Variants in BAIAP2 observed in about 807,000 individuals in gnomAD.
BAIAP2 encodes the protein BAR/IMD domain containing adaptor protein 2, also known as BAR/IMD domain-containing adapter protein 2.
In BAIAP2, 18 loss-of-function variants were observed where a neutral mutation model predicts 63.0. The observed-to-expected ratio is 0.29, with a 90% confidence interval of 0.20 to 0.42. BAIAP2 has a LOEUF of 0.42. Ranked by LOEUF, BAIAP2 falls within the 10% of genes least tolerant of loss-of-function variation. The probability of loss-of-function intolerance (pLI) is 1.00; values close to 1 mark genes in which losing one functional copy is unlikely to be tolerated. For missense variants in BAIAP2, 610 were observed against 734.3 expected (o/e 0.83, Z 1.96); for synonymous variants, 386 against 307.6 (o/e 1.25, Z -2.67).
At chr17:81,100,519 G>A (rs766226843) in intron 7 of BAIAP2, among the ~76,000 whole-genome samples, 6 of 152,042 alleles carry the variant, frequency 3.9e-5, no homozygotes, top group Non-Finnish European at 8.8e-5. Context: ...CAGTCCTGGG[G>A]TACAGCCTCT....
intron 3 of BAIAP2, among the ~76,000 whole-genome samples, chr17:81,064,880 TAGTC>T (rs1274563826): frequency 1.3e-5 from 2 of 152,238 alleles, no homozygotes; most frequent in Non-Finnish European, 2.9e-5. Flanking sequence ...GGCAAGCGCT[TAGTC>T]AGGGAATGGA....
chr17:81,066,569 C>G (rs532016878), intron 3 of BAIAP2, among the ~76,000 whole-genome samples: 12 of 152,346 alleles, frequency 7.9e-5, no homozygotes, highest in Admixed American at 2.0e-4. Flanking sequence ...CTTAGAGGCA[C>G]TGAGTGGCTC....
intron 4 of BAIAP2, 163 bp from the exon 5 acceptor site, chr17:81,085,491 A>G (rs755245739): frequency 1.4e-6 from 1 of 706,920 alleles, no homozygotes; most frequent in South Asian, 1.5e-5. Flanking sequence ...GAGGGTGCAC[A>G]CGGGCATGCG....
chr17:81,049,540 C>G (rs1278543329), intron 1 of BAIAP2, among the ~76,000 whole-genome samples: 1 of 152,246 alleles, frequency 6.6e-6, no homozygotes, highest in Non-Finnish European at 1.5e-5. Flanking sequence ...TCCCGATCTC[C>G]TCCCCATCCC....
At chr17:81,113,439 A>T (rs891261306) in intron 13 of BAIAP2, among the ~76,000 whole-genome samples, 2 of 152,124 alleles carry the variant, frequency 1.3e-5, no homozygotes, top group Non-Finnish European at 1.5e-5. Flanking sequence ...GTCATATTCT[A>T]TTGGCTCAGT....
chr17:81,088,996 C>T (rs2056234440), intron 6 of BAIAP2, among the ~76,000 whole-genome samples: 1 of 152,258 alleles, frequency 6.6e-6, no homozygotes, highest in African/African-American at 2.4e-5. Context: ...GGTGCCCTGC[C>T]TCCCACTGCC....
At chr17:81,049,372 C>T (rs938456616) in intron 1 of BAIAP2, among the ~76,000 whole-genome samples, 7 of 152,352 alleles carry the variant, frequency 4.6e-5, no homozygotes, top group African/African-American at 1.7e-4. Context: ...GGGCTTCAAA[C>T]TCACTTCAGA....
chr17:81,036,957 A>G (rs1568049937), intron 1 of BAIAP2: 7 of 1,535,798 alleles, frequency 4.6e-6, no homozygotes, highest in Middle Eastern at 1.7e-4. Flanking sequence ...GAGAGTTGGC[A>G]GGGGGTGAGT....
At chr17:81,077,027 C>T (rs2053771163) in intron 3 of BAIAP2, among the ~76,000 whole-genome samples, 1 of 152,162 alleles carries the variant, frequency 6.6e-6, no homozygotes, top group African/African-American at 2.4e-5. Flanking sequence ...AGCTTGAAGA[C>T]ATTGTGCCCA....
At chr17:81,086,725 G>GGACCTGGT (rs1225958515) in intron 6 of BAIAP2, 145 bp downstream of exon 6, 2 of 963,894 alleles carry the variant, frequency 2.1e-6, no homozygotes, top group African/African-American at 3.3e-5. Flanking sequence ...TAGACCTCGG[G>GGACCTGGT]AGCGGTGGGC....
intron 3 of BAIAP2, among the ~76,000 whole-genome samples, chr17:81,073,990 G>C (rs1448933913): frequency 6.6e-6 from 1 of 152,220 alleles, no homozygotes; most frequent in Non-Finnish European, 1.5e-5. Flanking sequence ...CCTAAAATGA[G>C]AGAGACTAAA....
rs750229505 is a variant in BAIAP2, at chr17:81,085,558, G to A, written c.280-96G>A. 6 of 1,010,952 alleles carry A rather than the reference G, an allele frequency of 5.9e-6. No homozygotes were observed. The Admixed American group carries it at 7.2e-5, about 12-fold the overall frequency. 62.6% of individuals were successfully genotyped at this position (1,010,952 alleles called of 1,614,324 possible). Reference sequence around the variant, plus strand: ...CCCCTCCTGCACAGCCGGGACACCCGGTGTCTCGTGCCCATCCGCTCTAGC... The same window carrying A: ...CCCCTCCTGCACAGCCGGGACACCCAGTGTCTCGTGCCCATCCGCTCTAGC... On this transcript the variant is annotated intron_variant, in intron 4 of 13. Transcript: ENST00000428708.
chr17:81,062,024 C>T (rs2050641067), intron 3 of BAIAP2, among the ~76,000 whole-genome samples: 1 of 152,164 alleles, frequency 6.6e-6, no homozygotes, highest in African/African-American at 2.4e-5. Context: ...CTCACTGCCA[C>T]CTTCACCTCC....
chr17:81,035,472 T>C (rs1185712316), intron 1 of BAIAP2, among the ~76,000 whole-genome samples, 164 bp downstream of exon 1: 3 of 147,818 alleles, frequency 2.0e-5, no homozygotes, highest in Non-Finnish European at 4.5e-5. Context: ...CCCGGGCTGC[T>C]GGGGTGGTGA....
At chr17:81,055,574 G>GTTTTTTGTTTTTTTTT (rs370775327) in intron 2 of BAIAP2, among the ~76,000 whole-genome samples, 1 of 123,406 alleles carries the variant, frequency 8.1e-6, no homozygotes, top group African/African-American at 2.9e-5. Context: ...AGGGTGTTTT[G>GTTTTTTGTTTTTTTTT]TTTTTTTTTG....
intron 13 of BAIAP2, chr17:81,108,967 G>T: frequency 6.5e-7 from 1 of 1,548,434 alleles, no homozygotes; most frequent in Admixed American, 2.0e-5. Context: ...TTGTTTCACA[G>T]TGGCAGCGGC....
chr17:81,096,801 C>T (rs951469095), intron 6 of BAIAP2, among the ~76,000 whole-genome samples: 7 of 152,258 alleles, frequency 4.6e-5, no homozygotes, highest in Admixed American at 2.0e-4. Flanking sequence ...ATCTGGCTGT[C>T]GCACTCTACC....
intron 13 of BAIAP2, among the ~76,000 whole-genome samples, chr17:81,112,335 G>C (rs1371050155): frequency 6.6e-6 from 1 of 152,258 alleles, no homozygotes; most frequent in Admixed American, 6.5e-5. Flanking sequence ...CTCAGCCCCA[G>C]CACCACTCCA....
At chr17:81,110,644 G>A (rs2146119744) in intron 13 of BAIAP2, 1 of 1,355,136 alleles carries the variant, frequency 7.4e-7, no homozygotes, top group African/African-American at 1.5e-5. Flanking sequence ...CTTGCACACG[G>A]TGCTGGCCCC....
Sources: allele counts gnomAD v4.1 joint callset (sites outside exome capture counted in the v4.1 genomes callset), GRCh38; gene constraint gnomAD v4.1.1; transcripts MANE v1.5; gene names NCBI Gene and HGNC (gene_info 2026-07-23, HGNC 2026-07-21).